SYT1: variants seen among roughly 807,000 people sequenced by gnomAD.
SYT1 encodes synaptotagmin-1.
Under a neutral mutation model 44.8 loss-of-function variants are expected in SYT1, and 8 were observed. The ratio of observed to expected loss-of-function variants is 0.18; its 90% confidence interval spans 0.10 to 0.32. The LOEUF (loss-of-function observed/expected upper bound fraction) is 0.32, where lower values mean the gene tolerates loss of function less well. SYT1 is among the 10% of genes least tolerant of loss of function. The probability of loss-of-function intolerance (pLI) is 1.00; values close to 1 mark genes in which losing one functional copy is unlikely to be tolerated. For synonymous variants in SYT1, 154 were observed against 188.8 expected (o/e 0.82, Z 1.51); for missense variants, 286 against 509.3 (o/e 0.56, Z 4.22).
At chr12:79,389,225 A>G (rs960570690) in intron 9 of SYT1, among the ~76,000 whole-genome samples, 3 of 152,218 alleles carry the variant, frequency 2.0e-5, no homozygotes, top group Admixed American at 6.5e-5. Context: ...AGAACGTCTT[A>G]CTAATCAGAT....
intron 4 of SYT1, among the ~76,000 whole-genome samples, chr12:79,279,126 CAAG>C (rs1420726596): frequency 1.3e-5 from 2 of 151,806 alleles, no homozygotes; most frequent in Non-Finnish European, 2.9e-5. Context: ...TCCAGTGGAT[CAAG>C]AAGGAGAGAA....
chr12:78,876,929 T>TAATATATTA, intron 1 of SYT1, among the ~76,000 whole-genome samples: 1 of 115,882 alleles, frequency 8.6e-6, no homozygotes, highest in African/African-American at 3.2e-5. Flanking sequence ...ATAATATATA[T>TAATATATTA]TATATATTAT....
chr12:79,316,279 G>A (rs1881080861), intron 8 of SYT1, among the ~76,000 whole-genome samples: 1 of 152,094 alleles, frequency 6.6e-6, no homozygotes, highest in Non-Finnish European at 1.5e-5. Flanking sequence ...TTTTGTGTCT[G>A]GCTTCTTCAG....
At chr12:78,864,430 C>A (rs1027063200), upstream of SYT1, 12 of 151,542 alleles carry the variant, frequency 7.9e-5, no homozygotes, top group African/African-American at 2.9e-4. Flanking sequence ...GCTTGTGGGG[C>A]ATTCCTGAGT....
At chr12:79,370,157 T>C (rs1321304526) in intron 9 of SYT1, among the ~76,000 whole-genome samples, 1 of 152,178 alleles carries the variant, frequency 6.6e-6, no homozygotes, top group Non-Finnish European at 1.5e-5. Context: ...GAATATTGCA[T>C]TCATTTCTGA....
At chr12:78,995,811 T>A (rs1370708923) in intron 2 of SYT1, 1 of 152,158 alleles carries the variant, frequency 6.6e-6, no homozygotes, top group East Asian at 1.9e-4. Flanking sequence ...GTTTACCAGA[T>A]GGATTAAAAG....
chr12:78,910,863 G>T (rs1021279590), intron 1 of SYT1, among the ~76,000 whole-genome samples: 1 of 151,972 alleles, frequency 6.6e-6, no homozygotes, highest in Non-Finnish European at 1.5e-5. Context: ...ATGTGCATGG[G>T]AAAGAGAATC....
intron 4 of SYT1, among the ~76,000 whole-genome samples, chr12:79,233,659 G>A (rs1454293074): frequency 2.0e-5 from 3 of 152,102 alleles, no homozygotes; most frequent in Non-Finnish European, 4.4e-5. Context: ...TTTCTTTTCC[G>A]GATCTGCTAA....
chr12:79,007,688 G>A (rs1302240011), intron 2 of SYT1, among the ~76,000 whole-genome samples: 2 of 152,066 alleles, frequency 1.3e-5, no homozygotes, highest in East Asian at 1.9e-4. Flanking sequence ...GTTCCCATAC[G>A]TCAACCTTCA....
At chr12:78,870,862 C>A (rs1873785717) in intron 1 of SYT1, among the ~76,000 whole-genome samples, 1 of 152,036 alleles carries the variant, frequency 6.6e-6, no homozygotes, top group South Asian at 2.1e-4. Flanking sequence ...TTTTCATCAA[C>A]ATGAAGGCAA....
intron 2 of SYT1, among the ~76,000 whole-genome samples, chr12:79,045,353 C>T (rs762513167): frequency 1.0e-3 from 152 of 152,312 alleles, no homozygotes; most frequent in Non-Finnish European, 1.8e-3. Context: ...GTCGGAAAAG[C>T]GCAGTATTCG....
chr12:79,412,346 C>A (rs1231702812), intron 9 of SYT1, among the ~76,000 whole-genome samples: 2 of 152,102 alleles, frequency 1.3e-5, no homozygotes, highest in African/African-American at 4.8e-5. Context: ...AGGTAATATA[C>A]CAGTTAAACT....
chr12:78,934,636 A>T (rs1037709391), intron 1 of SYT1, among the ~76,000 whole-genome samples: 1 of 152,194 alleles, frequency 6.6e-6, no homozygotes, highest in African/African-American at 2.4e-5. Context: ...CAAAAACTAG[A>T]TTAATTTTCT....
intron 4 of SYT1, among the ~76,000 whole-genome samples, chr12:79,277,405 A>G (rs1174467618): frequency 3.3e-5 from 5 of 152,298 alleles, no homozygotes; most frequent in Non-Finnish European, 5.9e-5. Context: ...AGAATTTTGT[A>G]TCCTGCAAAA....
chr12:79,380,404 A>G (rs1389957578), intron 9 of SYT1, among the ~76,000 whole-genome samples: 1 of 152,126 alleles, frequency 6.6e-6, no homozygotes, highest in African/African-American at 2.4e-5. Context: ...TTGTTTATTT[A>G]TTTTAGAGAC....
chr12:79,132,834 T>C (rs1868937168), intron 3 of SYT1, among the ~76,000 whole-genome samples: 1 of 152,134 alleles, frequency 6.6e-6, no homozygotes, highest in East Asian at 1.9e-4. Context: ...ATAGCCAAGA[T>C]ATTGAATCAA....
intron 9 of SYT1, among the ~76,000 whole-genome samples, chr12:79,372,661 G>C (rs188336615): frequency 9.2e-5 from 14 of 152,296 alleles, no homozygotes; most frequent in Non-Finnish European, 2.9e-5. Context: ...TGCTTAAAGT[G>C]AACTGAAGCT....
rs191759778 is a variant in SYT1 at position 79,254,958 on chromosome 12, C to T, written c.167-30829C>T. Among the ~76,000 whole-genome samples, 8 of 152,332 alleles carry T rather than the reference C, an allele frequency of 5.3e-5. No homozygotes were observed. The East Asian group carries it at 1.3e-3, about 26-fold the overall frequency. ...AAGTGGTTCCTTGAGATGGCATTTACTCCTGGTGAAGATACTATGAACATT... is the reference window on the plus strand; with the variant it reads ...AAGTGGTTCCTTGAGATGGCATTTATTCCTGGTGAAGATACTATGAACATT... On this transcript the variant is annotated intron_variant, in intron 4 of 10. Coordinates refer to ENST00000261205, the MANE Select transcript of SYT1 (RefSeq NM_005639.3).
At chr12:78,893,007 G>A (rs1218150957) in intron 1 of SYT1, among the ~76,000 whole-genome samples, 2 of 151,788 alleles carry the variant, frequency 1.3e-5, no homozygotes, top group Admixed American at 1.3e-4. Flanking sequence ...GCCCAAATAA[G>A]TTGATCTACT....
Sources: gnomAD v4.1 joint callset for allele counts (sites outside exome capture counted in the v4.1 genomes callset) on GRCh38, gnomAD v4.1.1 for gene constraint, MANE v1.5 for transcripts, NCBI Gene and HGNC (gene_info 2026-07-23, HGNC 2026-07-21) for gene names.